The following ESRRG variants were observed in gnomAD, a reference collection of about 807,000 sequenced individuals.
The protein encoded by ESRRG is estrogen related receptor gamma, also known as estrogen-related receptor gamma.
In ESRRG, 13 loss-of-function variants were observed where a neutral mutation model predicts 44.0. The observed-to-expected ratio is 0.30, with a 90% CI of 0.19 to 0.47. ESRRG has a LOEUF of 0.47. ESRRG is among the 20% of genes least tolerant of loss of function. ESRRG has a pLI of 1.00. For synonymous variants in ESRRG, 215 were observed against 214.6 expected, an observed-to-expected ratio of 1.00 and a Z score of -0.02; for missense variants, 395 against 580.6, an observed-to-expected ratio of 0.68 and a Z score of 3.29.
intron 1 of ESRRG, among the ~76,000 whole-genome samples, chr1:217,039,335 C>T (rs1263724466): frequency 6.6e-6 from 1 of 152,156 alleles, no homozygotes; most frequent in Non-Finnish European, 1.5e-5. Flanking sequence ...AGTGCGTTTT[C>T]ATGCTGCTGA....
intron 1 of ESRRG, among the ~76,000 whole-genome samples, chr1:217,029,955 C>T (rs1396143332): frequency 6.6e-6 from 1 of 152,144 alleles, no homozygotes; most frequent in African/African-American, 2.4e-5. Context: ...TCAGCTTAGC[C>T]CTCCCTTTAG....
intron 1 of ESRRG, among the ~76,000 whole-genome samples, chr1:217,101,723 G>T (rs541465406): frequency 6.6e-6 from 1 of 152,090 alleles, no homozygotes; most frequent in Non-Finnish European, 1.5e-5. Context: ...AAGTCATGTT[G>T]ATTCTACCTC....
intron 2 of ESRRG, among the ~76,000 whole-genome samples, chr1:216,856,227 GA>G (rs1478338433): frequency 6.6e-6 from 1 of 151,522 alleles, no homozygotes; most frequent in Non-Finnish European, 1.5e-5. Flanking sequence ...TCAATATAAA[GA>G]AAAATGGATG....
At chr1:216,640,960 T>A (rs2066300644) in intron 3 of ESRRG, among the ~76,000 whole-genome samples, 1 of 152,108 alleles carries the variant, frequency 6.6e-6, no homozygotes, top group South Asian at 2.1e-4. Flanking sequence ...CAAGCAGGTT[T>A]CCCCTGCTTG....
intron 2 of ESRRG, among the ~76,000 whole-genome samples, chr1:216,769,378 G>A (rs1406390843): frequency 1.3e-5 from 2 of 152,120 alleles, no homozygotes; most frequent in African/African-American, 4.8e-5. Flanking sequence ...AAGTAACCAT[G>A]AAGAGAACTG....
rs139988256 is a variant in ESRRG, at chr1:216,966,161, G to T, written c.-105-26488C>A. On this transcript the variant is annotated intron_variant, in intron 1 of 7. Coordinates refer to the ESRRG transcript ENST00000359162. ...GGTACCTGGGTCTCCATTTGGACACGTGTCCTAGCCCAGCAAATGTTAGGG... is the reference window on the plus strand; with the variant it reads ...GGTACCTGGGTCTCCATTTGGACACTTGTCCTAGCCCAGCAAATGTTAGGG... Among the ~76,000 whole-genome samples the T allele has an allele frequency of 4.6e-5, 7 of 152,254 alleles. No individual in the cohort carries two copies. In the East Asian group the frequency reaches 1.2e-3, roughly 25 times the overall value.
chr1:216,654,868 G>A (rs2070040854), intron 2 of ESRRG, among the ~76,000 whole-genome samples: 1 of 152,116 alleles, frequency 6.6e-6, no homozygotes, highest in Non-Finnish European at 1.5e-5. Flanking sequence ...CAGATAGATG[G>A]TGCTAAATGA....
chr1:216,982,893 T>A (rs148101239), intron 1 of ESRRG, among the ~76,000 whole-genome samples: 1 of 152,198 alleles, frequency 6.6e-6, no homozygotes, highest in Admixed American at 6.5e-5. Context: ...CAATCATCAA[T>A]AATTTTATCT....
rs375557271 is a variant in ESRRG at position 216,582,934 on chromosome 1, A to G, written c.590-14836T>C. ...CCTAGAGTACAAAGGAGCGGAAGAA[A>G]CTGCTAGAATAGAAAACCTAAAGTG... On this transcript the variant is annotated intron_variant, in intron 3 of 6. Coordinates refer to ENST00000408911, the MANE Select transcript of ESRRG (RefSeq NM_001438.4). Among the ~76,000 whole-genome samples, 16 of 152,278 alleles carry G rather than the reference A, an allele frequency of 1.1e-4. No homozygotes were observed. The East Asian group carries it at 2.9e-3, about 28-fold the overall frequency.
intron 1 of ESRRG, among the ~76,000 whole-genome samples, chr1:217,034,549 C>G: frequency 6.6e-6 from 1 of 152,194 alleles, no homozygotes; most frequent in East Asian, 1.9e-4. Context: ...GCAAGCTTCA[C>G]TCTGGCCACA....
chr1:216,933,378 C>T (rs908248388), intron 2 of ESRRG, among the ~76,000 whole-genome samples: 1 of 152,012 alleles, frequency 6.6e-6, no homozygotes, highest in Non-Finnish European at 1.5e-5. Context: ...TTTTCTAGCC[C>T]CACCTCTATT....
chr1:216,667,147 G>T (rs917549984), intron 2 of ESRRG, among the ~76,000 whole-genome samples: 6 of 152,178 alleles, frequency 3.9e-5, no homozygotes, highest in Non-Finnish European at 8.8e-5. Flanking sequence ...TACTCCGTCC[G>T]AGGACACTAG....
intron 3 of ESRRG, among the ~76,000 whole-genome samples, chr1:216,596,738 C>T (rs2058500216): frequency 6.6e-6 from 1 of 152,150 alleles, no homozygotes; most frequent in Non-Finnish European, 1.5e-5. Flanking sequence ...CCAGCTTAGG[C>T]TTCCTCGTCC....
At chr1:216,917,008 T>C (rs1049172251) in intron 2 of ESRRG, among the ~76,000 whole-genome samples, 3 of 151,672 alleles carry the variant, frequency 2.0e-5, no homozygotes, top group Non-Finnish European at 4.4e-5. Context: ...TGGTTGCTCA[T>C]GTGGCTGCAT....
chr1:216,909,674 C>T (rs1048508561), intron 2 of ESRRG, among the ~76,000 whole-genome samples: 3 of 152,062 alleles, frequency 2.0e-5, no homozygotes, highest in Non-Finnish European at 4.4e-5. Context: ...TGTGAGCCAC[C>T]GTGCCCGGCC....
intron 3 of ESRRG, among the ~76,000 whole-genome samples, chr1:216,574,333 G>A (rs1306222098): frequency 6.6e-6 from 1 of 152,076 alleles, no homozygotes; most frequent in Non-Finnish European, 1.5e-5. Context: ...GAGAAAGCAA[G>A]AGTAGGGCAA....
intron 3 of ESRRG, among the ~76,000 whole-genome samples, chr1:216,586,817 T>G (rs1393814680): frequency 6.6e-6 from 1 of 152,092 alleles, no homozygotes; most frequent in Non-Finnish European, 1.5e-5. Flanking sequence ...CCTCAAATGA[T>G]CTGCCCACCT....
rs146000681 is a variant in ESRRG at position 216,732,982 on chromosome 1, A to G, written c.-13-55491T>C. Among the ~76,000 whole-genome samples, 719 of 152,044 alleles carry G rather than the reference A, an allele frequency of 4.7e-3. 14 individuals are homozygous for G. The highest frequency in any genetic ancestry group is 0.017 in the African/African-American group (697 of 41,436). ...TTTCCCAGCCATACAACCACAGCAA[A>G]ATTCTAGGATATCTGAGCTAAGGAA... is the stretch of plus-strand genomic sequence containing the variant. On this transcript the variant is annotated intron_variant, in intron 2 of 7. Coordinates refer to the ESRRG transcript ENST00000359162.
intron 1 of ESRRG, among the ~76,000 whole-genome samples, chr1:216,972,506 C>T (rs2071895005): frequency 1.3e-5 from 2 of 152,136 alleles, no homozygotes; most frequent in South Asian, 2.1e-4. Flanking sequence ...AACTATAATC[C>T]ATACTAACAT....
Sources: allele counts gnomAD v4.1 joint callset (sites outside exome capture counted in the v4.1 genomes callset), GRCh38; gene constraint gnomAD v4.1.1; transcripts MANE v1.5; gene names NCBI Gene and HGNC (gene_info 2026-07-23, HGNC 2026-07-21).